USP15: variants seen among roughly 807,000 people sequenced by gnomAD.
USP15 encodes the protein ubiquitin specific peptidase 15.
In USP15, 18 loss-of-function variants were observed where a neutral mutation model predicts 127.1. That is an observed-to-expected ratio of 0.14 (90% CI 0.10 to 0.21). USP15 has a LOEUF of 0.21. Among genes scored for constraint, USP15 ranks in the 10% least tolerant of loss-of-function variants. The pLI is 1.00. For missense variants in USP15, 805 were observed against 1,159.9 expected (o/e 0.69, Z 4.44); for synonymous variants, 364 against 393.7 (o/e 0.92, Z 0.89).
Position 62,410,399 on chromosome 12 carries a change from A to T in USP15, c.*6024A>T, listed in dbSNP as rs2068010227. ...AACAAAAAAAAAGTAAAGATGGGAA[A>T]ATTACTTATAGTATTTTTTTTTAAT... On this transcript the variant is annotated 3_prime_UTR_variant, in exon 22 of 22. Transcript: ENST00000280377. The T allele has an allele frequency of 6.6e-6, 1 of 152,190 alleles. No homozygotes were observed. Among genetic ancestry groups the T allele is most frequent in the Non-Finnish European group, 1.5e-5 (1 of 68,018 alleles). The allele number at this position is 152,190 out of a possible 1,614,324, so 9.4% of individuals were successfully genotyped here.
At chr12:62,367,271 G>A (rs576238374) in intron 8 of USP15, among the ~76,000 whole-genome samples, 4 of 151,838 alleles carry the variant, frequency 2.6e-5, no homozygotes, top group Admixed American at 6.6e-5. Context: ...TCACTCTGTC[G>A]CCCAGGCTGG....
intron 8 of USP15, among the ~76,000 whole-genome samples, chr12:62,372,398 G>A (rs533782211): frequency 3.8e-4 from 58 of 152,086 alleles, no homozygotes; most frequent in African/African-American, 1.4e-3. Flanking sequence ...TGAATGATAG[G>A]AAAAAAATTC....
At chr12:62,331,928 G>T (rs796869582) in intron 6 of USP15, among the ~76,000 whole-genome samples, 1 of 152,084 alleles carries the variant, frequency 6.6e-6, no homozygotes, top group African/African-American at 2.4e-5. Flanking sequence ...ACTTTGGGAG[G>T]CCAAGGTGAA....
In USP15 at chr12:62,412,659, AC is replaced by A. The variant is rs2137718489; in HGVS notation, c.*8287del. The A allele has an allele frequency of 1.3e-5, 2 of 152,556 alleles. No individual in the cohort carries two copies. Among genetic ancestry groups the A allele is most frequent in the East Asian group, 3.8e-4 (2 of 5,212 alleles). 9.5% of individuals were successfully genotyped at this position (152,556 alleles called of 1,614,324 possible). On this transcript the variant is annotated 3_prime_UTR_variant, in exon 22 of 22. Coordinates refer to ENST00000280377, the MANE Select transcript of USP15 (RefSeq NM_001252078.2). ...TGTCAAGAAACTACTTTCCTTGCCCACCCATAAGAAGCAACTTATCATCTGT... is the reference window on the plus strand; with the variant it reads ...TGTCAAGAAACTACTTTCCTTGCCCACCATAAGAAGCAACTTATCATCTGT...
At chr12:62,307,391 A>T (rs2064517010) in intron 3 of USP15, among the ~76,000 whole-genome samples, 1 of 152,124 alleles carries the variant, frequency 6.6e-6, no homozygotes, top group Non-Finnish European at 1.5e-5. Flanking sequence ...AGATTTCATA[A>T]TCGTTATGGA....
Position 62,383,903 on chromosome 12 carries a change from T to C in USP15, c.1153T>C (p.Leu385=), listed in dbSNP as rs749531928. The C allele has an allele frequency of 2.5e-5, 40 of 1,612,978 alleles. No homozygotes were observed. The African/African-American group carries it at 4.4e-4, about 18-fold the overall frequency. The change falls in exon 10 of 22, where the codon TTA becomes CTA. Residue 385 remains leucine, a synonymous_variant. Coordinates refer to ENST00000280377, the MANE Select transcript of USP15 (RefSeq NM_001252078.2). ...TCAGCAGCAAGACTGTCAAGAACTG[T>C]TAGCTTTCCTATTAGATGGATTACA... ...GYQQQDCQEL[L]AFLLDGLHED... is the part of the protein sequence containing the mutation.
intron 8 of USP15, among the ~76,000 whole-genome samples, chr12:62,379,924 A>G (rs2066938203): frequency 6.6e-6 from 1 of 152,080 alleles, no homozygotes; most frequent in Non-Finnish European, 1.5e-5. Context: ...CAAAAGGAGT[A>G]TAAGATTATG....
chr12:62,260,607 CGGCGGCGGCCGCCGGGGCAG>C lies in USP15; in HGVS notation c.89+105_89+124del. The stretch of plus-strand genomic sequence containing the variant: ...CGCTAGTGACAGGTGCGGGCAGGTC[CGGCGGCGGCCGCCGGGGCAG>C]CGGGATTTTGGCCGCTTCTGAAATG... On this transcript the variant is annotated intron_variant, in intron 1 of 21. Transcript: ENST00000280377. The C allele has an allele frequency of 3.6e-6, 4 of 1,119,832 alleles. No homozygotes were observed. In the South Asian group the frequency reaches 6.2e-5, roughly 17 times the overall value. 69.4% of individuals were successfully genotyped at this position (1,119,832 alleles called of 1,614,324 possible). A position where few individuals can be genotyped will look rare whatever the true frequency, so the allele number is the denominator to read the frequency against.
At chr12:62,281,477 C>A (rs921288529) in intron 1 of USP15, among the ~76,000 whole-genome samples, 1 of 152,070 alleles carries the variant, frequency 6.6e-6, no homozygotes, top group African/African-American at 2.4e-5. Context: ...GCTGGGGTTA[C>A]AAAAGTATGC....
At position 62,396,414 on chromosome 12, in the gene USP15, G is replaced by GC; in HGVS notation, c.2674+18dup. 6.2e-7 allele frequency: 1 copy of GC among 1,607,920 alleles called. No homozygotes were observed. The highest frequency in any genetic ancestry group is 8.5e-7 in the Non-Finnish European group (1 of 1,175,058). On this transcript the variant is annotated intron_variant, in intron 20 of 21. Coordinates refer to ENST00000280377, the MANE Select transcript of USP15 (RefSeq NM_001252078.2). ...GGAGGACACTGTAAGTTGACAGTTTGCCTTTTTACCCAAATCATGGTGTTT... is the reference window on the plus strand; with the variant it reads ...GGAGGACACTGTAAGTTGACAGTTTGCCCTTTTTACCCAAATCATGGTGTTT...
Position 62,358,973 on chromosome 12 carries a change from AAC to A in USP15, c.915+3499_915+3500del, listed in dbSNP as rs539469840. Among the ~76,000 whole-genome samples, 7 of 152,246 alleles carry A rather than the reference AAC, an allele frequency of 4.6e-5. No individual in the cohort carries two copies. In the South Asian group the frequency reaches 1.4e-3, roughly 32 times the overall value. ...CCAATCCCCTGTGGATACCAAGAAC[AAC>A]TGTATATCCTGACCTTATGAAGATT... On this transcript the variant is annotated intron_variant, in intron 8 of 21. Transcript: ENST00000280377.
intron 8 of USP15, 68 bp downstream of exon 8, chr12:62,355,543 G>T (rs2066095536): frequency 1.4e-6 from 2 of 1,470,084 alleles, no homozygotes; most frequent in African/African-American, 1.4e-5. Flanking sequence ...GATAAAGTTG[G>T]GTTTTTCATG....
rs2068049705 is a variant in USP15, at chr12:62,411,906, T to G, written c.*7531T>G. ...GGGCACTAATCCCGTCATGAAGCCC[T>G]CACCCTCATGACCTCATCTAAACCT... On this transcript the variant is annotated 3_prime_UTR_variant, in exon 22 of 22. Transcript: ENST00000280377. 1.3e-5 allele frequency: 2 copies of G among 152,238 alleles called. No homozygotes were observed. Among genetic ancestry groups the G allele is most frequent in the South Asian group, 4.1e-4 (2 of 4,822 alleles). The allele number at this position is 152,238 out of a possible 1,614,324, so 9.4% of individuals were successfully genotyped here. A position where few individuals can be genotyped will look rare whatever the true frequency, so the allele number is the denominator to read the frequency against.
intron 1 of USP15, chr12:62,267,031 A>C (rs1025823272): frequency 2.0e-5 from 3 of 152,146 alleles, no homozygotes; most frequent in Admixed American, 1.3e-4. Context: ...ACTCGAATGT[A>C]ATTCAAACAA....
At chr12:62,312,857 G>T (rs78911213) in intron 3 of USP15, among the ~76,000 whole-genome samples, 3,327 of 151,574 alleles carry the variant, frequency 0.022, 121 homozygotes, top group African/African-American at 0.075. Flanking sequence ...AAACAAATAT[G>T]AAGGAGATTA....
chr12:62,367,510 G>A (rs1265282382), intron 8 of USP15, among the ~76,000 whole-genome samples: 1 of 151,990 alleles, frequency 6.6e-6, no homozygotes, highest in Non-Finnish European at 1.5e-5. Context: ...ACTTTTTTAT[G>A]GGCCTATTCA....
chr12:62,312,370 T>G, intron 3 of USP15: 1 of 202,178 alleles, frequency 4.9e-6, no homozygotes. Context: ...TTAGGTTTAT[T>G]TAATATGTTT....
chr12:62,300,029 TTTG>T (rs1199296601), intron 2 of USP15, among the ~76,000 whole-genome samples: 4 of 152,152 alleles, frequency 2.6e-5, no homozygotes, highest in Non-Finnish European at 5.9e-5. Context: ...GTATTTTCAG[TTTG>T]TTATTTATTT....
At chr12:62,320,166 A>G (rs2064945030) in intron 4 of USP15, among the ~76,000 whole-genome samples, 1 of 152,202 alleles carries the variant, frequency 6.6e-6, no homozygotes. Context: ...CTCATGTCAA[A>G]TTGTAATCCC....
Sources: gnomAD v4.1 joint callset for allele counts (sites outside exome capture counted in the v4.1 genomes callset) on GRCh38, gnomAD v4.1.1 for gene constraint, MANE v1.5 for transcripts, NCBI Gene and HGNC (gene_info 2026-07-23, HGNC 2026-07-21) for gene names.